ASCC3: variants seen among roughly 807,000 people sequenced by gnomAD.
ASCC3 encodes the protein activating signal cointegrator 1 complex subunit 3.
Under a neutral mutation model 256.3 loss-of-function variants are expected in ASCC3, and 158 were observed. The ratio of observed to expected loss-of-function variants is 0.62; its 90% CI spans 0.54 to 0.70. ASCC3 has a LOEUF of 0.70. ASCC3 is among the 30% of genes least tolerant of loss of function. ASCC3 has a pLI of 0.00. For synonymous variants in ASCC3, 948 were observed against 883.4 expected (o/e 1.07, Z -1.30); for missense variants, 2,259 against 2,626.0 (o/e 0.86, Z 3.05).
chr6:100,762,308 G>C (rs998170862), intron 10 of ASCC3, among the ~76,000 whole-genome samples: 2 of 152,156 alleles, frequency 1.3e-5, no homozygotes, highest in African/African-American at 4.8e-5. Context: ...CAAATGCTTT[G>C]CTTTAACACA....
intron 37 of ASCC3, among the ~76,000 whole-genome samples, chr6:100,539,312 A>C (rs994487160): frequency 6.6e-6 from 1 of 152,156 alleles, no homozygotes; most frequent in African/African-American, 2.4e-5. Context: ...CAATTATCTG[A>C]AAAGGCTATA....
At chr6:100,698,844 C>T (rs1778208757) in intron 13 of ASCC3, among the ~76,000 whole-genome samples, 3 of 152,032 alleles carry the variant, frequency 2.0e-5, no homozygotes, top group Non-Finnish European at 1.5e-5. Flanking sequence ...TAATAATTAT[C>T]TTCTTGATTT....
At chr6:100,575,103 C>T (rs1249614372) in intron 36 of ASCC3, among the ~76,000 whole-genome samples, 1 of 152,152 alleles carries the variant, frequency 6.6e-6, no homozygotes, top group African/African-American at 2.4e-5. Flanking sequence ...AGATGGGATC[C>T]TGTGATTGTC....
At chr6:100,750,194 G>A (rs1780874058) in intron 10 of ASCC3, among the ~76,000 whole-genome samples, 1 of 151,898 alleles carries the variant, frequency 6.6e-6, no homozygotes. Flanking sequence ...AGGATTCCAG[G>A]ATCTCTGTAC....
intron 40 of ASCC3, among the ~76,000 whole-genome samples, chr6:100,510,878 T>A (rs977022521): frequency 6.6e-6 from 1 of 152,186 alleles, no homozygotes; most frequent in Non-Finnish European, 1.5e-5. Flanking sequence ...ATTCTCAGAC[T>A]TCACTCAGTA....
chr6:100,737,331 C>T (rs1400544390), intron 10 of ASCC3, among the ~76,000 whole-genome samples: 1 of 151,918 alleles, frequency 6.6e-6, no homozygotes, highest in Non-Finnish European at 1.5e-5. Context: ...CATCCCATCA[C>T]CTTACATATT....
intron 8 of ASCC3, among the ~76,000 whole-genome samples, chr6:100,772,103 G>A (rs1040022299): frequency 1.3e-5 from 2 of 151,896 alleles, no homozygotes; most frequent in Non-Finnish European, 2.9e-5. Context: ...GGATGGTCTA[G>A]ATTTACTGAC....
intron 30 of ASCC3, among the ~76,000 whole-genome samples, chr6:100,609,157 T>C (rs1773263215): frequency 6.6e-6 from 1 of 151,988 alleles, no homozygotes; most frequent in South Asian, 2.1e-4. Flanking sequence ...GTCCCTTATG[T>C]TTTGTTGCTT....
chr6:100,603,807 T>C (rs1293723516), intron 33 of ASCC3, among the ~76,000 whole-genome samples: 2 of 152,122 alleles, frequency 1.3e-5, no homozygotes, highest in African/African-American at 2.4e-5. Flanking sequence ...TAATATATTA[T>C]CTTTTTATAC....
At chr6:100,879,560 G>A (rs1275656726) in intron 1 of ASCC3, among the ~76,000 whole-genome samples, 1 of 152,190 alleles carries the variant, frequency 6.6e-6, no homozygotes, top group Non-Finnish European at 1.5e-5. Context: ...GCCGATGCAG[G>A]AGGACTGCTT....
intron 30 of ASCC3, among the ~76,000 whole-genome samples, chr6:100,618,821 G>A (rs903304002): frequency 2.3e-4 from 35 of 152,114 alleles, no homozygotes; most frequent in African/African-American, 8.0e-4. Flanking sequence ...TACCAAACAT[G>A]GTTCTGCTAG....
In ASCC3 at chr6:100,671,984, T is replaced by C. The variant is rs1269122027; in HGVS notation, c.2286+7634A>G. 2.0e-5 allele frequency among the ~76,000 whole-genome samples: 3 copies of C among 152,046 alleles called. No homozygotes were observed. In the East Asian group the frequency reaches 5.8e-4, roughly 29 times the overall value. On this transcript the variant is annotated intron_variant, in intron 14 of 41. Transcript: ENST00000369162. ...ACATTTTAGTCATCTTGATTTGTTT[T>C]TCTTATTTGCTTCAATGTGCATGTT... is the stretch of plus-strand genomic sequence containing the variant.
chr6:100,820,329 A>G, intron 4 of ASCC3, among the ~76,000 whole-genome samples: 1 of 152,180 alleles, frequency 6.6e-6, no homozygotes, highest in East Asian at 1.9e-4. Context: ...CCAGAAATAA[A>G]CCCAAGCATC....
At position 100,621,928 on chromosome 6, in the gene ASCC3, G is replaced by A. The variant is rs1208264520; in HGVS notation, c.4785+3264C>T. 2.6e-5 allele frequency among the ~76,000 whole-genome samples: 4 copies of A among 152,208 alleles called. No individual in the cohort carries two copies. The East Asian group carries it at 7.7e-4, about 29-fold the overall frequency. On this transcript the variant is annotated intron_variant, in intron 30 of 41. Transcript: ENST00000369162. ...CAGCCATGAAAAGAAATGAGATCAT[G>A]TCCTTTGCAGGGGCATGGATGGAGC...
chr6:100,721,298 G>T (rs1779317704), intron 11 of ASCC3, among the ~76,000 whole-genome samples: 1 of 151,754 alleles, frequency 6.6e-6, no homozygotes, highest in South Asian at 2.1e-4. Flanking sequence ...GGATGGACAT[G>T]GTCTCTGTAG....
chr6:100,670,822 G>C (rs13215714), intron 14 of ASCC3, among the ~76,000 whole-genome samples: 276 of 151,916 alleles, frequency 1.8e-3, no homozygotes, highest in Non-Finnish European at 3.4e-3. Context: ...TCACTGCTAC[G>C]AATTTTTCTA....
At chr6:100,654,639 T>A (rs185832583) in intron 17 of ASCC3, among the ~76,000 whole-genome samples, 1 of 152,048 alleles carries the variant, frequency 6.6e-6, no homozygotes, top group Non-Finnish European at 1.5e-5. Context: ...ACAGAGCAAT[T>A]TGGCTGTAAA....
intron 19 of ASCC3, 55 bp from the exon 20 acceptor site, chr6:100,650,769 C>T: frequency 7.2e-7 from 1 of 1,392,876 alleles, no homozygotes; most frequent in Admixed American, 1.7e-5. Flanking sequence ...TTAAATTTTT[C>T]ACATTGAAAT....
At chr6:100,566,897 A>G (rs996994801) in intron 36 of ASCC3, among the ~76,000 whole-genome samples, 1 of 152,056 alleles carries the variant, frequency 6.6e-6, no homozygotes, top group Non-Finnish European at 1.5e-5. Flanking sequence ...CCTCTCAAAT[A>G]AGTCTTTTGT....
Sources: allele counts gnomAD v4.1 joint callset (sites outside exome capture counted in the v4.1 genomes callset), GRCh38; gene constraint gnomAD v4.1.1; transcripts MANE v1.5; gene names NCBI Gene and HGNC (gene_info 2026-07-23, HGNC 2026-07-21).